GALNT13: variants seen among roughly 807,000 people sequenced by gnomAD.
GALNT13 encodes polypeptide N-acetylgalactosaminyltransferase 13.
A neutral mutation model predicts 64.2 loss-of-function variants in GALNT13; 28 were observed. That is an observed-to-expected ratio of 0.44 (90% CI 0.32 to 0.60). The LOEUF (loss-of-function observed/expected upper bound fraction) is 0.60. Among genes scored for constraint, GALNT13 ranks in the 20% least tolerant of loss-of-function variants. The probability of loss-of-function intolerance (pLI) is 0.05; values close to 1 mark genes in which losing one functional copy is unlikely to be tolerated. For missense variants in GALNT13, 577 were observed against 669.8 expected (o/e 0.86, Z 1.53); for synonymous variants, 214 against 224.6 (o/e 0.95, Z 0.42).
At chr2:153,784,148 A>G in the GALNT13 span, among the ~76,000 whole-genome samples, 6 of 152,230 alleles carry the variant, frequency 3.9e-5, no homozygotes, top group Non-Finnish European at 8.8e-5. Flanking sequence ...AGAAGAAGAT[A>G]GGAAGATGTG....
chr2:153,254,918 T>G, the GALNT13 span, among the ~76,000 whole-genome samples: 1 of 152,202 alleles, frequency 6.6e-6, no homozygotes, highest in Non-Finnish European at 1.5e-5. Context: ...ATAGGTGTGG[T>G]GTGGTACTGA....
chr2:153,475,143 T>C, the GALNT13 span, among the ~76,000 whole-genome samples: 1 of 152,126 alleles, frequency 6.6e-6, no homozygotes. Context: ...CATCGGGGAA[T>C]AGAGAGTGTA....
At chr2:154,160,948 T>C (rs891215328) in intron 4 of GALNT13, among the ~76,000 whole-genome samples, 3 of 152,186 alleles carry the variant, frequency 2.0e-5, no homozygotes, top group Admixed American at 6.5e-5. Flanking sequence ...GGGGGTAACT[T>C]ATCATTGGCT....
intron 9 of GALNT13, among the ~76,000 whole-genome samples, chr2:154,367,168 A>G (rs948300797): frequency 6.6e-3 from 19 of 2,870 alleles, no homozygotes; most frequent in African/African-American, 7.6e-3. Flanking sequence ...GATGTAAACC[A>G]TAAATGAGAT....
At chr2:153,538,472 T>C in the GALNT13 span, among the ~76,000 whole-genome samples, 2 of 128,596 alleles carry the variant, frequency 1.6e-5, no homozygotes, top group Non-Finnish European at 3.2e-5. Flanking sequence ...ACATGTGCCA[T>C]GCTGGTGCGC....
At chr2:153,577,034 T>C in the GALNT13 span, among the ~76,000 whole-genome samples, 1 of 152,172 alleles carries the variant, frequency 6.6e-6, no homozygotes, top group Non-Finnish European at 1.5e-5. Flanking sequence ...GGAACGGATA[T>C]GTGTGTATGT....
At chr2:153,684,339 G>A in the GALNT13 span, among the ~76,000 whole-genome samples, 4 of 151,534 alleles carry the variant, frequency 2.6e-5, no homozygotes, top group African/African-American at 4.8e-5. Context: ...TCCTCTAACT[G>A]TCATTATGTA....
intron 4 of GALNT13, among the ~76,000 whole-genome samples, chr2:154,145,123 C>G (rs1313703200): frequency 8.1e-6 from 1 of 123,578 alleles, no homozygotes; most frequent in African/African-American, 2.7e-5. Flanking sequence ...TATATATACA[C>G]ACACTAAAAA....
chr2:154,286,604 T>C, intron 8 of GALNT13: 1 of 233,336 alleles, frequency 4.3e-6, no homozygotes, highest in Non-Finnish European at 8.5e-6. Context: ...TGCCAGCATG[T>C]TTGAGTCTAT....
At chr2:153,885,180 A>T (rs549506469) in intron 1 of GALNT13, among the ~76,000 whole-genome samples, 1 of 152,026 alleles carries the variant, frequency 6.6e-6, no homozygotes, top group African/African-American at 2.4e-5. Context: ...AATAAAGTGA[A>T]CTAGAATTTT....
intron 11 of GALNT13, among the ~76,000 whole-genome samples, chr2:154,435,449 A>G (rs954371014): frequency 6.6e-6 from 1 of 152,146 alleles, no homozygotes; most frequent in Non-Finnish European, 1.5e-5. Context: ...AGATGGAAAA[A>G]CAAGCAACAG....
chr2:154,028,618 T>C (rs1698137025), intron 3 of GALNT13, among the ~76,000 whole-genome samples: 1 of 152,142 alleles, frequency 6.6e-6, no homozygotes, highest in African/African-American at 2.4e-5. Flanking sequence ...ATTGGGGTCT[T>C]GCAGAAGTAT....
At chr2:154,373,296 G>A (rs750172089) in intron 9 of GALNT13, among the ~76,000 whole-genome samples, 8 of 152,030 alleles carry the variant, frequency 5.3e-5, no homozygotes, top group Non-Finnish European at 7.4e-5. Flanking sequence ...TATAAGAAAT[G>A]TTATAACAAA....
the GALNT13 span, among the ~76,000 whole-genome samples, chr2:153,719,207 C>G: frequency 6.6e-6 from 1 of 152,030 alleles, no homozygotes; most frequent in Non-Finnish European, 1.5e-5. Flanking sequence ...AAGGGAAGAC[C>G]AGGAAAATCA....
intron 8 of GALNT13, among the ~76,000 whole-genome samples, chr2:154,273,953 T>G (rs2105927073): frequency 6.6e-6 from 1 of 152,250 alleles, no homozygotes; most frequent in Non-Finnish European, 1.5e-5. Flanking sequence ...ATAATGGATC[T>G]AGTATAGATT....
At chr2:153,568,881 C>A in the GALNT13 span, among the ~76,000 whole-genome samples, 1 of 152,300 alleles carries the variant, frequency 6.6e-6, no homozygotes, top group Non-Finnish European at 1.5e-5. Context: ...AAATCATGGA[C>A]ATAGAGTATG....
the GALNT13 span, among the ~76,000 whole-genome samples, chr2:153,410,588 T>G: frequency 6.6e-6 from 1 of 152,102 alleles, no homozygotes; most frequent in Non-Finnish European, 1.5e-5. Context: ...AAACAAAATA[T>G]CTAAAGCCTG....
the GALNT13 span, among the ~76,000 whole-genome samples, chr2:153,428,918 C>A: frequency 2.0e-5 from 3 of 152,196 alleles, no homozygotes; most frequent in South Asian, 2.1e-4. Flanking sequence ...TCTGAAAGAA[C>A]ACTGCCTGGC....
chr2:153,452,170 A>T, the GALNT13 span, among the ~76,000 whole-genome samples: 1 of 152,132 alleles, frequency 6.6e-6, no homozygotes, highest in African/African-American at 2.4e-5. Flanking sequence ...CTTCCTTCCA[A>T]CTGATGCTGT....
Sources: gnomAD v4.1 joint callset for allele counts (sites outside exome capture counted in the v4.1 genomes callset) on GRCh38, gnomAD v4.1.1 for gene constraint, MANE v1.5 for transcripts, NCBI Gene and HGNC (gene_info 2026-07-23, HGNC 2026-07-21) for gene names.